The following JAZF1 variants were observed in gnomAD, a reference collection of about 807,000 sequenced individuals.
JAZF1 encodes the protein JAZF zinc finger 1.
In JAZF1, 8 loss-of-function variants were observed where a neutral mutation model predicts 26.4. The ratio of observed to expected loss-of-function variants is 0.30; its 90% CI spans 0.18 to 0.55. The LOEUF (loss-of-function observed/expected upper bound fraction) is 0.55, where lower values mean the gene tolerates loss of function less well. JAZF1 is among the 20% of genes least tolerant of loss of function. The pLI, the probability that JAZF1 is intolerant of heterozygous loss-of-function variation, is 0.94. For missense variants in JAZF1, 199 were observed against 322.0 expected, an observed-to-expected ratio of 0.62 and a Z score of 2.92; for synonymous variants, 126 against 122.3, an observed-to-expected ratio of 1.03 and a Z score of -0.20.
intron 2 of JAZF1, among the ~76,000 whole-genome samples, chr7:27,912,255 AGTT>A (rs1422106059): frequency 1.3e-5 from 2 of 152,194 alleles, no homozygotes. Context: ...CACTTCTTTC[AGTT>A]GCCTGGGGGA....
intron 3 of JAZF1, among the ~76,000 whole-genome samples, chr7:27,866,286 G>A (rs976335393): frequency 6.6e-6 from 1 of 152,178 alleles, no homozygotes; most frequent in Non-Finnish European, 1.5e-5. Context: ...ATGTGCAAAG[G>A]TGCACACAGA....
intron 1 of JAZF1, among the ~76,000 whole-genome samples, chr7:28,097,309 A>G (rs1784402034): frequency 6.6e-6 from 1 of 152,160 alleles, no homozygotes; most frequent in African/African-American, 2.4e-5. Flanking sequence ...TTTTAAATTT[A>G]GATGCTGCTA....
intron 1 of JAZF1, among the ~76,000 whole-genome samples, chr7:28,080,071 T>C (rs746160324): frequency 1.3e-5 from 2 of 152,266 alleles, no homozygotes; most frequent in African/African-American, 4.8e-5. Flanking sequence ...AAAAATACTT[T>C]GTAAAAATGC....
At chr7:27,893,432 TC>T (rs1335875081) in intron 3 of JAZF1, among the ~76,000 whole-genome samples, 5 of 152,174 alleles carry the variant, frequency 3.3e-5, no homozygotes, top group African/African-American at 4.8e-5. Flanking sequence ...AGTGCCCTAG[TC>T]CCCGCCTACC....
At chr7:28,062,552 C>T (rs1456382935) in intron 1 of JAZF1, among the ~76,000 whole-genome samples, 2 of 136,126 alleles carry the variant, frequency 1.5e-5, no homozygotes, top group African/African-American at 3.1e-5. Context: ...TTGTGCCCAC[C>T]GTGATACTCC....
intron 1 of JAZF1, among the ~76,000 whole-genome samples, chr7:28,041,766 C>CTCATCT (rs1428368921): frequency 1.3e-5 from 2 of 152,206 alleles, no homozygotes; most frequent in South Asian, 2.1e-4. Context: ...ACGCAGCTGT[C>CTCATCT]TGAGATACTC....
chr7:28,040,969 A>AG (rs1471670557), intron 1 of JAZF1, among the ~76,000 whole-genome samples: 2 of 152,204 alleles, frequency 1.3e-5, no homozygotes, highest in Admixed American at 1.3e-4. Flanking sequence ...AAGGAAAGGA[A>AG]GAAGACCCAT....
intron 2 of JAZF1, among the ~76,000 whole-genome samples, chr7:27,987,308 C>T (rs947762481): frequency 1.3e-5 from 2 of 151,934 alleles, no homozygotes; most frequent in African/African-American, 4.8e-5. Context: ...CCGGCTGCGA[C>T]CCCGTCTGGG....
In JAZF1 at chr7:27,832,414, C is replaced by A. The variant is rs1006747318; in HGVS notation, c.*386G>T. On this transcript the variant is annotated 3_prime_UTR_variant, in exon 5 of 5. Transcript: ENST00000283928. Reference sequence around the variant, plus strand: ...ATGTGAGTTGATGTGTTGAAAACTTCAATCACATTACAATCTTGAAAAAAA... The same window carrying A: ...ATGTGAGTTGATGTGTTGAAAACTTAAATCACATTACAATCTTGAAAAAAA... 1.3e-5 allele frequency: 3 copies of A among 229,220 alleles called. No homozygotes were observed. The highest frequency in any genetic ancestry group is 4.4e-5 in the African/African-American group (2 of 44,990). The allele number at this position is 229,220 out of a possible 1,614,324, so 14.2% of individuals were successfully genotyped here.
chr7:28,135,797 G>A (rs1423238063), intron 1 of JAZF1, among the ~76,000 whole-genome samples: 1 of 152,098 alleles, frequency 6.6e-6, no homozygotes, highest in Non-Finnish European at 1.5e-5. Context: ...TAAACAAGCT[G>A]GTGGTATTCT....
At chr7:28,024,559 CA>C (rs1783061380) in intron 1 of JAZF1, among the ~76,000 whole-genome samples, 1 of 152,062 alleles carries the variant, frequency 6.6e-6, no homozygotes, top group African/African-American at 2.4e-5. Flanking sequence ...GATGAGGAAA[CA>C]GGTATGAGAA....
At chr7:28,010,694 G>A (rs1782785193) in intron 1 of JAZF1, among the ~76,000 whole-genome samples, 1 of 152,186 alleles carries the variant, frequency 6.6e-6, no homozygotes, top group Non-Finnish European at 1.5e-5. Flanking sequence ...AAAGTGCTTT[G>A]TTCCCAACAG....
chr7:28,110,636 A>AAAAGG (rs1199629854), intron 1 of JAZF1, among the ~76,000 whole-genome samples: 16 of 145,414 alleles, frequency 1.1e-4, no homozygotes, highest in East Asian at 8.7e-4. Context: ...AAAGGAAAGG[A>AAAAGG]AAAGGAAAGG....
intron 4 of JAZF1, among the ~76,000 whole-genome samples, chr7:27,834,124 C>T (rs763218805): frequency 2.0e-5 from 3 of 152,202 alleles, no homozygotes; most frequent in Non-Finnish European, 4.4e-5. Context: ...TGTTCCCACT[C>T]TTCATGGGAT....
intron 1 of JAZF1, among the ~76,000 whole-genome samples, chr7:28,065,941 G>T (rs2128383721): frequency 6.6e-6 from 1 of 152,282 alleles, no homozygotes; most frequent in East Asian, 1.9e-4. Context: ...TTTTACTTGT[G>T]ACCAAAATAC....
At chr7:28,023,665 A>G (rs1783043394) in intron 1 of JAZF1, among the ~76,000 whole-genome samples, 1 of 152,222 alleles carries the variant, frequency 6.6e-6, no homozygotes, top group Non-Finnish European at 1.5e-5. Flanking sequence ...TAAGTATTTT[A>G]GAATGCGTGT....
At chr7:27,945,103 T>C (rs370480398) in intron 2 of JAZF1, among the ~76,000 whole-genome samples, 2 of 152,294 alleles carry the variant, frequency 1.3e-5, no homozygotes, top group South Asian at 2.1e-4. Flanking sequence ...GAACTCACTT[T>C]GGTACCTCTG....
intron 1 of JAZF1, among the ~76,000 whole-genome samples, chr7:28,012,737 C>T (rs769708678): frequency 1.3e-5 from 2 of 152,212 alleles, no homozygotes; most frequent in African/African-American, 2.4e-5. Context: ...CCCACCACTA[C>T]TGAGGGTTGA....
chr7:28,091,705 GT>G (rs1386945451), intron 1 of JAZF1, among the ~76,000 whole-genome samples: 5 of 151,398 alleles, frequency 3.3e-5, no homozygotes, highest in African/African-American at 1.2e-4. Flanking sequence ...AGGAAAATCT[GT>G]TTAATGTAAA....
Sources: gnomAD v4.1 joint callset for allele counts (sites outside exome capture counted in the v4.1 genomes callset) on GRCh38, gnomAD v4.1.1 for gene constraint, MANE v1.5 for transcripts, NCBI Gene and HGNC (gene_info 2026-07-23, HGNC 2026-07-21) for gene names.